Variants in DMXL1 observed in about 807,000 individuals in gnomAD.
The protein encoded by DMXL1 is Dmx like 1.
DMXL1 carries 99 observed loss-of-function variants against 319.2 expected under a neutral mutation model. The observed-to-expected ratio is 0.31, with a 90% CI of 0.26 to 0.37. The LOEUF (loss-of-function observed/expected upper bound fraction) is 0.37, where lower values mean the gene tolerates loss of function less well. DMXL1 is among the 10% of genes least tolerant of loss of function. The pLI is 1.00. For synonymous variants in DMXL1, 1,385 were observed against 1,235.2 expected (o/e 1.12, Z -2.54); for missense variants, 3,745 against 3,595.6 (o/e 1.04, Z -1.06).
chr5:119,235,098 C>T (rs1050976439), intron 39 of DMXL1, among the ~76,000 whole-genome samples: 54 of 152,022 alleles, frequency 3.6e-4, no homozygotes, highest in Admixed American at 1.1e-3. Context: ...GTAGGGAAGC[C>T]TCTTAAGGTA....
chr5:119,143,809 T>G (rs749022394), intron 13 of DMXL1, 32 bp from the exon 14 acceptor site: 1 of 1,402,836 alleles, frequency 7.1e-7, no homozygotes, highest in East Asian at 2.4e-5. Flanking sequence ...ATGAATTGTT[T>G]AGTAAATTAT....
In DMXL1 at chr5:119,149,138, C is replaced by T. The variant is rs772095422; in HGVS notation, c.3311C>T (p.Thr1104Ile). The T allele has an allele frequency of 2.6e-5, 42 of 1,613,734 alleles. No homozygotes were observed. Among genetic ancestry groups the T allele is most frequent in the South Asian group, 4.4e-5 (4 of 91,088 alleles). The change falls in exon 18 of 44, where the codon ACA becomes ATA. Residue 1104 changes from threonine (T) to isoleucine (I), a missense_variant. Thr to Ile is a moderately conservative substitution (Grantham distance 89, BLOSUM62 -1). Around this residue, in one of 4 missense-constraint regions of DMXL1, gnomAD observed 2,096 missense variants for 1,985.4 expected, o/e 1.06. Coordinates refer to ENST00000539542, the MANE Select transcript of DMXL1 (RefSeq NM_001290321.3). ...EQTIHLDELS[T>I]VLDSGISVDS... ...ACAATTCATTTAGATGAGTTAAGCA[C>T]AGTATTGGATTCTGGCATTAGTGTT...
chr5:119,176,374 G>A (rs1775796900), intron 26 of DMXL1, among the ~76,000 whole-genome samples: 1 of 151,974 alleles, frequency 6.6e-6, no homozygotes, highest in African/African-American at 2.4e-5. Flanking sequence ...TCTGTGGGTA[G>A]CCTTACTTAC....
chr5:119,197,881 C>T lies in DMXL1; in HGVS notation c.7670C>T (p.Ala2557Val), dbSNP rs190613227. Residue 2557 changes from alanine to valine, a missense_variant, in exon 32 of 44, where the codon GCC (alanine) becomes GTC (valine). Physicochemically the swap from Ala to Val is moderately conservative, Grantham distance 64 (BLOSUM62 0). Transcript: ENST00000539542. Reference sequence around the variant, plus strand: ...CAAAATTATATCGCAAGTCATACCGCCGAAGAGAGTTTGTCTGCAGGTCCT... The same window carrying T: ...CAAAATTATATCGCAAGTCATACCGTCGAAGAGAGTTTGTCTGCAGGTCCT... ...PPQNYIASHT[A>V]EESLSAGPAI... 2.2e-5 allele frequency: 36 copies of T among 1,614,208 alleles called. No individual in the cohort carries two copies. In the African/African-American group the frequency reaches 4.4e-4, roughly 20 times the overall value.
chr5:119,078,119 G>A (rs867271769), intron 1 of DMXL1, among the ~76,000 whole-genome samples: 5 of 151,954 alleles, frequency 3.3e-5, no homozygotes, highest in African/African-American at 1.2e-4. Context: ...TTAAAATCAT[G>A]CACAGCCCAT....
intron 9 of DMXL1, among the ~76,000 whole-genome samples, chr5:119,123,495 G>T (rs1210687439): frequency 1.3e-5 from 2 of 151,820 alleles, no homozygotes; most frequent in East Asian, 3.9e-4. Context: ...ATTTTTCATT[G>T]TAGCAAGCTC....
intron 13 of DMXL1, among the ~76,000 whole-genome samples, chr5:119,141,365 C>G (rs888942361): frequency 1.3e-5 from 2 of 152,040 alleles, no homozygotes; most frequent in African/African-American, 4.8e-5. Context: ...TGTCTTGGCC[C>G]AAAAGCTCCT....
intron 25 of DMXL1, among the ~76,000 whole-genome samples, chr5:119,172,674 A>T (rs1774826104): frequency 6.6e-6 from 1 of 152,212 alleles, no homozygotes; most frequent in Non-Finnish European, 1.5e-5. Flanking sequence ...TACTTTTCAG[A>T]CATATTGAAA....
At chr5:119,212,484 G>A (rs1187274308) in intron 34 of DMXL1, among the ~76,000 whole-genome samples, 1 of 152,040 alleles carries the variant, frequency 6.6e-6, no homozygotes, top group African/African-American at 2.4e-5. Context: ...TGTCTGTCTT[G>A]GTTATTGTGA....
chr5:119,096,465 C>T (rs948214373), intron 1 of DMXL1, among the ~76,000 whole-genome samples: 2 of 152,162 alleles, frequency 1.3e-5, no homozygotes, highest in African/African-American at 4.8e-5. Context: ...CATGAGCCAC[C>T]ATGCCCAGCC....
intron 6 of DMXL1, 70 bp from the exon 7 acceptor site, chr5:119,116,084 TCTTA>T: frequency 7.1e-7 from 1 of 1,402,822 alleles, no homozygotes; most frequent in Non-Finnish European, 9.6e-7. Context: ...GGGAGAAAAT[TCTTA>T]CTTTTGCTAT....
chr5:119,105,132 A>G (rs749145902), intron 3 of DMXL1, 48 bp from the exon 4 acceptor site: 5 of 1,219,048 alleles, frequency 4.1e-6, no homozygotes, highest in Admixed American at 1.7e-5. Flanking sequence ...CATTTGACAG[A>G]GAAAATATGC....
At chr5:119,175,142 G>T in intron 25 of DMXL1, 119 bp from the exon 26 acceptor site, 2 of 586,652 alleles carry the variant, frequency 3.4e-6, no homozygotes, top group Non-Finnish European at 2.9e-6. Context: ...AATAGTTCAT[G>T]AAGGCAAAGA....
intron 13 of DMXL1, among the ~76,000 whole-genome samples, chr5:119,136,723 C>CTT (rs1766075865): frequency 1.3e-5 from 2 of 152,242 alleles, no homozygotes; most frequent in Non-Finnish European, 2.9e-5. Flanking sequence ...AGAGTGCAAG[C>CTT]CCCAAGCCTT....
At chr5:119,200,569 A>G (rs1780512875) in intron 32 of DMXL1, among the ~76,000 whole-genome samples, 1 of 152,036 alleles carries the variant, frequency 6.6e-6, no homozygotes, top group South Asian at 2.1e-4. Flanking sequence ...TTTACGTTCC[A>G]TATTAATTTT....
chr5:119,173,834 GTGGTTT>G (rs1394354527), intron 25 of DMXL1, among the ~76,000 whole-genome samples: 1 of 130,330 alleles, frequency 7.7e-6, no homozygotes, highest in Non-Finnish European at 1.6e-5. Context: ...ATTGTTTTAT[GTGGTTT>G]TGGAGGCTGA....
chr5:119,116,462 T>A (rs1760870101), intron 7 of DMXL1, 126 bp downstream of exon 7: 1 of 1,030,430 alleles, frequency 9.7e-7, no homozygotes, highest in Non-Finnish European at 1.4e-6. Flanking sequence ...TAGAGTAATA[T>A]TAAATCGTCT....
At chr5:119,168,907 T>C (rs959746801) in intron 23 of DMXL1, among the ~76,000 whole-genome samples, 2 of 151,982 alleles carry the variant, frequency 1.3e-5, no homozygotes, top group African/African-American at 4.8e-5. Context: ...CTTTTCTTTC[T>C]TTTTCTTCTT....
chr5:119,149,710 G>A lies in DMXL1; in HGVS notation c.3883G>A (p.Gly1295Arg), dbSNP rs1769345930. Residue 1295 changes from glycine to arginine, a missense_variant, in exon 18 of 44, where the codon GGA becomes AGA. This residue lies in a region of DMXL1 where 2,096 missense variants were observed against 1,985.4 expected (regional missense o/e 1.06). Transcript: ENST00000539542. ...GACCAGTCTTGCACAGAAAATCTGT[G>A]GAAAGAAAACTGCATTCGATCCTTC... ...SMTSLAQKIC[G>R]KKTAFDPSVD... 1 of 1,613,872 alleles carries A rather than the reference G, an allele frequency of 6.2e-7. No homozygotes were observed. Among genetic ancestry groups the A allele is most frequent in the Admixed American group, 1.7e-5 (1 of 59,956 alleles).
Sources: allele counts gnomAD v4.1 joint callset (sites outside exome capture counted in the v4.1 genomes callset), GRCh38; gene constraint gnomAD v4.1.1; regional missense constraint gnomAD v4.1.1; transcripts MANE v1.5; gene names NCBI Gene and HGNC (gene_info 2026-07-23, HGNC 2026-07-21).